Variants in CIITA observed in about 807,000 individuals in gnomAD.
CIITA encodes class II major histocompatibility complex transactivator.
A neutral mutation model predicts 115.1 loss-of-function variants in CIITA; 72 were observed. That is an observed-to-expected ratio of 0.63 (90% confidence interval 0.52 to 0.76). The LOEUF is 0.76. Ranked by LOEUF, CIITA falls within the 30% of genes least tolerant of loss-of-function variation. The pLI, the probability that CIITA is intolerant of heterozygous loss-of-function variation, is 0.00. For synonymous variants in CIITA, 763 were observed against 635.6 expected, an observed-to-expected ratio of 1.20 and a Z score of -3.02; for missense variants, 1,617 against 1,463.8, an observed-to-expected ratio of 1.10 and a Z score of -1.71.
intron 2 of CIITA, 26 bp downstream of exon 2, chr16:10,895,454 T>C (rs1325839432): frequency 3.1e-6 from 5 of 1,611,892 alleles, no homozygotes; most frequent in East Asian, 2.2e-5. Context: ...TCTGGTCTCT[T>C]CCGGTATCCC....
intron 1 of CIITA, 120 bp from the exon 2 acceptor site, chr16:10,895,162 G>C: frequency 1.7e-6 from 2 of 1,160,044 alleles, no homozygotes; most frequent in Non-Finnish European, 2.5e-6. Flanking sequence ...GGTGCTGAAT[G>C]AGCGCTTTTA....
chr16:10,901,451 T>C lies in CIITA; in HGVS notation c.437-63T>C. On this transcript the variant is annotated intron_variant, in intron 5 of 19. Transcript: ENST00000324288. The surrounding 1 kb of genome is among the most constrained non-coding windows in gnomAD (Gnocchi z 6.8). ...AAGGCCGTATAGCCTGCTAGAGTCC[T>C]GAGCCCCTTCTGGCTTGGGACATCC... 3 of 1,578,784 alleles carry C rather than the reference T, an allele frequency of 1.9e-6. No individual in the cohort carries two copies. The highest frequency in any genetic ancestry group is 2.6e-6 in the Non-Finnish European group (3 of 1,148,476).
Position 10,879,441 on chromosome 16 carries a change from G to A in CIITA, c.52+2059G>A, listed in dbSNP as rs1325841836. ...TCTTGTACGCCAGACTTTGGACCAG[G>A]GCCGCCGTTCCCTGAGCTTCACTTT... On this transcript the variant is annotated intron_variant, in intron 1 of 19. Transcript: ENST00000324288. The surrounding 1 kb of genome is among the most constrained non-coding windows in gnomAD (Gnocchi z 4.3). Among the ~76,000 whole-genome samples, 3 of 152,220 alleles carry A rather than the reference G, an allele frequency of 2.0e-5. No individual in the cohort carries two copies.
At chr16:10,878,243 G>A (rs2143492707) in intron 1 of CIITA, among the ~76,000 whole-genome samples, 1 of 152,288 alleles carries the variant, frequency 6.6e-6, no homozygotes, top group African/African-American at 2.4e-5. Context: ...CCCAGAGACT[G>A]ATGACAGGTC....
intron 11 of CIITA, chr16:10,908,720 A>G (rs930155478): frequency 2.5e-5 from 14 of 570,542 alleles, no homozygotes; most frequent in Admixed American, 1.8e-4. Context: ...TAATCGCCAG[A>G]GGATTGCTTC....
intron 7 of CIITA, among the ~76,000 whole-genome samples, 193 bp from the exon 8 acceptor site, chr16:10,902,465 C>T (rs1461005022): frequency 6.6e-6 from 1 of 152,228 alleles, no homozygotes; most frequent in Non-Finnish European, 1.5e-5. Context: ...ATCAGCTCTT[C>T]ATGGAGCCCC....
Position 10,923,079 on chromosome 16 carries a change from C to G in CIITA, c.3318-149C>G. ...GGCCTCCTAGGCTTCTCCTTTTCCCCATGACCCACACCGGTCGGTATCTTG... is the reference window on the plus strand; with the variant it reads ...GGCCTCCTAGGCTTCTCCTTTTCCCGATGACCCACACCGGTCGGTATCTTG... On this transcript the variant is annotated intron_variant, in intron 18 of 19. Coordinates refer to ENST00000324288, the MANE Select transcript of CIITA (RefSeq NM_000246.4). This position sits in a 1 kb window ranked among gnomAD's most constrained non-coding sequence, Gnocchi z 5.2. The G allele has an allele frequency of 1.4e-6, 1 of 727,048 alleles. No individual in the cohort carries two copies. The highest frequency in any genetic ancestry group is 2.5e-6 in the Non-Finnish European group (1 of 405,852). The allele number at this position is 727,048 out of a possible 1,614,324, so 45.0% of individuals were successfully genotyped here. A position where few individuals can be genotyped will look rare whatever the true frequency, so the allele number is the denominator to read the frequency against.
upstream of CIITA, among the ~76,000 whole-genome samples, chr16:10,874,735 GTAC>G (rs1297339394): frequency 6.6e-6 from 1 of 152,212 alleles, no homozygotes; most frequent in Admixed American, 6.5e-5. Flanking sequence ...CAGGGAAGAT[GTAC>G]CAGGCAGCTG....
chr16:10,915,822 A>T (rs1192343601), intron 14 of CIITA, among the ~76,000 whole-genome samples, 172 bp downstream of exon 14: 1 of 151,954 alleles, frequency 6.6e-6, no homozygotes, highest in Non-Finnish European at 1.5e-5. Flanking sequence ...GGTTTTGACA[A>T]CCCCAAATCC....
rs138044853 is a variant in CIITA at position 10,916,331 on chromosome 16, C to T, written c.2970-36C>T. On this transcript the variant is annotated intron_variant, in intron 14 of 19. Transcript: ENST00000324288. ...TGGGAAGGGTCAGATGGCCCCAGGA[C>T]GCTAGCTGATGGCCCCCATCTGATT... The T allele has an allele frequency of 1.1e-3, 1,741 of 1,599,112 alleles. 18 individuals carry two copies. In the Admixed American group the frequency reaches 0.024, roughly 22 times the overall value.
chr16:10,891,581 A>G (rs1439475395), intron 1 of CIITA, among the ~76,000 whole-genome samples: 1 of 152,126 alleles, frequency 6.6e-6, no homozygotes, highest in Non-Finnish European at 1.5e-5. Flanking sequence ...TCTTGTCACG[A>G]GATCACACTG....
At chr16:10,896,704 C>T (rs1226979552) in intron 3 of CIITA, among the ~76,000 whole-genome samples, 2 of 152,218 alleles carry the variant, frequency 1.3e-5, no homozygotes, top group African/African-American at 4.8e-5. Flanking sequence ...TTGGCTTGGG[C>T]ACCTGTGTGC....
chr16:10,925,086 C>T lies in CIITA; in HGVS notation c.*1231C>T, dbSNP rs930311354. ...AGCTTGAGGGTTGGGCTGGTGTCAC[C>T]TGAAGACTCATTCTTCTGTACGTCT... On this transcript the variant is annotated 3_prime_UTR_variant, in exon 20 of 20. Coordinates refer to ENST00000324288, the MANE Select transcript of CIITA (RefSeq NM_000246.4). 6.6e-6 allele frequency: 1 copy of T among 152,326 alleles called. No individual in the cohort carries two copies. Among genetic ancestry groups the T allele is most frequent in the African/African-American group, 2.4e-5 (1 of 41,456 alleles). The allele number at this position is 152,326 out of a possible 1,614,324, so 9.4% of individuals were successfully genotyped here.
chr16:10,904,484 G>A (rs558444172), intron 9 of CIITA, among the ~76,000 whole-genome samples: 2 of 152,194 alleles, frequency 1.3e-5, no homozygotes, highest in East Asian at 1.9e-4. Flanking sequence ...ACCTCCCAAA[G>A]TGCTGGGATT....
intron 13 of CIITA, among the ~76,000 whole-genome samples, chr16:10,910,581 T>A (rs1022016317): frequency 6.6e-6 from 1 of 152,034 alleles, no homozygotes; most frequent in African/African-American, 2.4e-5. Flanking sequence ...CTGGAGGAGG[T>A]CAGGGGGACT....
downstream of CIITA, chr16:10,939,233 C>G (rs909987253): frequency 1.3e-5 from 2 of 152,250 alleles, no homozygotes; most frequent in Non-Finnish European, 2.9e-5. This position sits in a 1 kb window ranked among gnomAD's most constrained non-coding sequence, Gnocchi z 4.9. Context: ...TCCCCTCATC[C>G]AAGCCTCTGT....
chr16:10,895,763 C>A lies in CIITA; in HGVS notation c.294C>A (p.Ile98=), dbSNP rs200299817. ...DEETREAYAN[I]AELDQYVFQD... ...AGACCAGGGAGGCTTATGCCAATAT[C>A]GGTGAGGAAGCACCTGAGCCCAGAA... is the stretch of plus-strand genomic sequence containing the variant. Residue 98 remains isoleucine, a splice_region_variant and synonymous_variant, in exon 3 of 20, where the codon ATC becomes ATA. Transcript: ENST00000324288. 1 of 1,613,890 alleles carries A rather than the reference C, an allele frequency of 6.2e-7. No individual in the cohort carries two copies. Among genetic ancestry groups the A allele is most frequent in the South Asian group, 1.1e-5 (1 of 91,052 alleles).
Position 10,927,607 on chromosome 16 carries a change from T to TG in CIITA, c.*3755dup. 6.6e-6 allele frequency: 1 copy of TG among 152,222 alleles called. No homozygotes were observed. Among genetic ancestry groups the TG allele is most frequent in the East Asian group, 1.9e-4 (1 of 5,204 alleles). 9.4% of individuals were successfully genotyped at this position (152,222 alleles called of 1,614,324 possible). On this transcript the variant is annotated 3_prime_UTR_variant, in exon 20 of 20. Transcript: ENST00000324288. ...AGTCTGTACACTGCACAAAGGCACCTGGGACAAGGGGGAACATGGGGGCTG... is the reference window on the plus strand; with the variant it reads ...AGTCTGTACACTGCACAAAGGCACCTGGGGACAAGGGGGAACATGGGGGCTG...
chr16:10,909,248 C>T (rs1185398359), intron 12 of CIITA, 61 bp downstream of exon 12: 2 of 1,568,616 alleles, frequency 1.3e-6, no homozygotes, highest in East Asian at 4.5e-5. Context: ...ATGTAGGACC[C>T]ATTCTCAAGT....
Sources: allele counts gnomAD v4.1 joint callset (sites outside exome capture counted in the v4.1 genomes callset), GRCh38; gene constraint gnomAD v4.1.1; non-coding constraint Gnocchi (gnomAD v3.1); transcripts MANE v1.5; gene names NCBI Gene and HGNC (gene_info 2026-07-23, HGNC 2026-07-21).